GPHN: variants seen among roughly 807,000 people sequenced by gnomAD.
GPHN encodes gephyrin.
Under a neutral mutation model 95.5 loss-of-function variants are expected in GPHN, and 17 were observed. That is an observed-to-expected ratio of 0.18 (90% CI 0.12 to 0.27). The LOEUF (loss-of-function observed/expected upper bound fraction) is 0.27, where lower values mean the gene tolerates loss of function less well. GPHN is among the 10% of genes least tolerant of loss of function. GPHN has a pLI of 1.00. For missense variants in GPHN, 660 were observed against 978.1 expected, an observed-to-expected ratio of 0.67 and a Z score of 4.34; for synonymous variants, 320 against 322.5, an observed-to-expected ratio of 0.99 and a Z score of 0.08.
Position 66,612,814 on chromosome 14 carries a change from G to T in GPHN, c.65-68293G>T, listed in dbSNP as rs757143808. Among the ~76,000 whole-genome samples the T allele has an allele frequency of 2.0e-4, 30 of 151,990 alleles. 1 individual carries two copies. The highest frequency in any genetic ancestry group is 3.7e-4 in the Non-Finnish European group (25 of 67,956). ...TTCCATGTAAATGGAATTACACTCTGTGTAAGTCTTCTTTTGCTCAACATG... is the reference window on the plus strand; with the variant it reads ...TTCCATGTAAATGGAATTACACTCTTTGTAAGTCTTCTTTTGCTCAACATG... On this transcript the variant is annotated intron_variant, in intron 1 of 22. Coordinates refer to ENST00000478722, the MANE Select transcript of GPHN (RefSeq NM_020806.5).
At chr14:67,529,039 G>A in the GPHN span, among the ~76,000 whole-genome samples, 2 of 151,996 alleles carry the variant, frequency 1.3e-5, no homozygotes, top group African/African-American at 4.8e-5. Context: ...GTCTTTGGGC[G>A]CCTTGCTAGT....
At chr14:67,019,971 A>G (rs1408139909) in intron 9 of GPHN, among the ~76,000 whole-genome samples, 1 of 152,138 alleles carries the variant, frequency 6.6e-6, no homozygotes, top group Non-Finnish European at 1.5e-5. Flanking sequence ...CTGTATCTTA[A>G]TGGGCTTGTG....
chr14:66,818,373 T>C (rs1015684875), intron 3 of GPHN, among the ~76,000 whole-genome samples: 12 of 152,160 alleles, frequency 7.9e-5, no homozygotes, highest in African/African-American at 2.9e-4. Flanking sequence ...TGTTCCTGCA[T>C]TAGTTTGCTG....
intron 9 of GPHN, among the ~76,000 whole-genome samples, chr14:67,018,170 C>T (rs1054810461): frequency 5.9e-5 from 9 of 151,838 alleles, no homozygotes; most frequent in African/African-American, 1.2e-4. Flanking sequence ...AATAAGATGC[C>T]GTAAGAATCT....
At chr14:67,340,726 C>A in the GPHN span, among the ~76,000 whole-genome samples, 41 of 152,298 alleles carry the variant, frequency 2.7e-4, 1 homozygote, top group South Asian at 8.1e-3. Context: ...GATGCCGAGC[C>A]GAAGCTGGAC....
chr14:67,104,838 C>T (rs978771591), intron 13 of GPHN, among the ~76,000 whole-genome samples: 1 of 151,900 alleles, frequency 6.6e-6, no homozygotes, highest in African/African-American at 2.4e-5. Context: ...GTCTCAATTT[C>T]ATTTGTTTCT....
chr14:67,508,019 T>C, the GPHN span, among the ~76,000 whole-genome samples: 1 of 151,658 alleles, frequency 6.6e-6, no homozygotes, highest in African/African-American at 2.4e-5. Context: ...ATGCCTCTAA[T>C]CCCAGCTACT....
chr14:67,382,900 C>T, the GPHN span, among the ~76,000 whole-genome samples: 2 of 140,414 alleles, frequency 1.4e-5, no homozygotes, highest in African/African-American at 5.7e-5. Context: ...TGTGTACGTG[C>T]GTGCGTGCGT....
Position 66,841,028 on chromosome 14 carries a change from GATA to G in GPHN, c.294+16463_294+16465del, listed in dbSNP as rs1567006859. On this transcript the variant is annotated intron_variant, in intron 4 of 22. Transcript: ENST00000478722. The stretch of plus-strand genomic sequence containing the variant: ...AGATATAGATATAGATATAGATATA[GATA>G]TAGGTATAGATATAGATATATACAT... Among the ~76,000 whole-genome samples, 220 of 133,788 alleles carry G rather than the reference GATA, an allele frequency of 1.6e-3. 1 individual carries two copies. Among genetic ancestry groups the G allele is most frequent in the African/African-American group, 6.8e-3 (214 of 31,622 alleles). The allele number at this position is 133,788 out of a possible 152,430, so 87.8% of individuals were successfully genotyped here.
At position 66,682,197 on chromosome 14, in the gene GPHN, AT is replaced by A. The variant is rs143337047; in HGVS notation, c.143+1019del. ...TGCATTTCCAAGTCTACCTCTCTCC[AT>A]TTTTTTCTTTTCTCCATCTTTCTTT... is the stretch of plus-strand genomic sequence containing the variant. On this transcript the variant is annotated intron_variant, in intron 2 of 22. Coordinates refer to ENST00000478722, the MANE Select transcript of GPHN (RefSeq NM_020806.5). 1.8e-3 allele frequency among the ~76,000 whole-genome samples: 280 copies of A among 152,148 alleles called. 9 individuals carry two copies. In the East Asian group the frequency reaches 0.049, roughly 27 times the overall value.
At chr14:67,363,962 A>G in the GPHN span, 1 of 152,220 alleles carries the variant, frequency 6.6e-6, no homozygotes, top group Non-Finnish European at 1.5e-5. Context: ...CTTGTGGATC[A>G]TAAAAGGAGT....
At chr14:67,385,653 T>TG in the GPHN span, 1 of 149,924 alleles carries the variant, frequency 6.7e-6, no homozygotes, top group Non-Finnish European at 1.5e-5. Context: ...TCAAACCACT[T>TG]TTTTCTTTTT....
intron 5 of GPHN, among the ~76,000 whole-genome samples, chr14:66,902,800 G>A (rs1445468626): frequency 6.6e-6 from 1 of 151,998 alleles, no homozygotes; most frequent in African/African-American, 2.4e-5. Context: ...TATTCATTGG[G>A]GAGGGTGGCC....
At chr14:66,893,439 T>A (rs1039309989) in intron 5 of GPHN, among the ~76,000 whole-genome samples, 15 of 152,188 alleles carry the variant, frequency 9.9e-5, no homozygotes, top group Non-Finnish European at 1.9e-4. Context: ...AGCATTCCCT[T>A]TGAAAACTGG....
chr14:66,928,831 GT>G (rs1041208864), intron 8 of GPHN, among the ~76,000 whole-genome samples: 12 of 151,888 alleles, frequency 7.9e-5, no homozygotes, highest in African/African-American at 2.4e-4. Flanking sequence ...CATTTCCAAA[GT>G]TTTTTTTATT....
chr14:67,112,964 T>G, intron 15 of GPHN, 54 bp from the exon 16 acceptor site: 2 of 1,555,536 alleles, frequency 1.3e-6, no homozygotes, highest in Non-Finnish European at 8.9e-7. Context: ...CCCTCTGAGT[T>G]GAGAAAATGT....
chr14:67,664,442 T>C, the GPHN span, among the ~76,000 whole-genome samples: 5 of 152,146 alleles, frequency 3.3e-5, no homozygotes, highest in African/African-American at 1.2e-4. Context: ...AAGCTATGTA[T>C]TTTTCAATGT....
At chr14:66,618,760 G>A (rs571283405) in intron 1 of GPHN, among the ~76,000 whole-genome samples, 1 of 152,202 alleles carries the variant, frequency 6.6e-6, no homozygotes, top group East Asian at 1.9e-4. Flanking sequence ...GTTGGTGGTG[G>A]GAGGGTAGAC....
chr14:67,729,376 T>G, the GPHN span: 7 of 1,597,314 alleles, frequency 4.4e-6, no homozygotes, highest in African/African-American at 4.0e-5. Context: ...TGGCAAGTAC[T>G]TCAGGTGTGT....
Sources: allele counts gnomAD v4.1 joint callset (sites outside exome capture counted in the v4.1 genomes callset), GRCh38; gene constraint gnomAD v4.1.1; transcripts MANE v1.5; gene names NCBI Gene and HGNC (gene_info 2026-07-23, HGNC 2026-07-21).